The following PNPLA7 variants were observed in gnomAD, a reference collection of about 807,000 sequenced individuals.
PNPLA7 encodes the protein patatin-like phospholipase domain-containing protein 7.
In PNPLA7, 153 loss-of-function variants were observed where a neutral mutation model predicts 161.7. The observed-to-expected ratio is 0.95, with a 90% confidence interval of 0.83 to 1.08. PNPLA7 has a LOEUF of 1.08. Among genes scored for constraint, PNPLA7 ranks in the 50% least tolerant of loss-of-function variants. The pLI is 0.00. For synonymous variants in PNPLA7, 809 were observed against 782.1 expected, an observed-to-expected ratio of 1.03 and a Z score of -0.57; for missense variants, 1,739 against 1,856.6, an observed-to-expected ratio of 0.94 and a Z score of 1.16.
intron 11 of PNPLA7, among the ~76,000 whole-genome samples, chr9:137,519,218 C>T (rs1288643153): frequency 2.0e-5 from 3 of 152,254 alleles, no homozygotes; most frequent in East Asian, 1.9e-4. Flanking sequence ...AATAACCAAG[C>T]GCGCACCTCA....
At chr9:137,544,129 G>T (rs1008773257) in intron 4 of PNPLA7, among the ~76,000 whole-genome samples, 1 of 152,096 alleles carries the variant, frequency 6.6e-6, no homozygotes, top group East Asian at 1.9e-4. Context: ...CTCTCATACT[G>T]GTCAACACAA....
At chr9:137,478,939 G>T (rs1832070588) in intron 24 of PNPLA7, 117 bp downstream of exon 24, 3 of 1,307,416 alleles carry the variant, frequency 2.3e-6, no homozygotes, top group Non-Finnish European at 3.1e-6. Context: ...ACAAGCACAG[G>T]AAGGGCCCAG....
intron 24 of PNPLA7, 107 bp from the exon 25 acceptor site, chr9:137,478,259 G>T: frequency 2.4e-6 from 2 of 834,782 alleles, no homozygotes; most frequent in Non-Finnish European, 3.2e-6. Flanking sequence ...GACCCAAACT[G>T]ACCCCAAATC....
chr9:137,460,251 G>A lies in PNPLA7; in HGVS notation c.*142C>T, dbSNP rs1831108667. On this transcript the variant is annotated 3_prime_UTR_variant, in exon 35 of 35. Coordinates refer to ENST00000406427, the MANE Select transcript of PNPLA7 (RefSeq NM_001098537.3). ...TGCTGGTACAAAGAAGAGGCCCAGA[G>A]AACCCTAACACAGCCTGGGGCCCCG... The A allele has an allele frequency of 1.4e-6, 1 of 719,162 alleles. No individual in the cohort carries two copies. The highest frequency in any genetic ancestry group is 1.9e-5 in the South Asian group (1 of 53,090). 44.5% of individuals were successfully genotyped at this position (719,162 alleles called of 1,614,324 possible).
chr9:137,521,584 G>A lies in PNPLA7; in HGVS notation c.957+52C>T. 6 of 1,574,252 alleles carry A rather than the reference G, an allele frequency of 3.8e-6. No individual in the cohort carries two copies. In the East Asian group the frequency reaches 9.1e-5, roughly 24 times the overall value. On this transcript the variant is annotated intron_variant, in intron 10 of 34. Coordinates refer to ENST00000406427, the MANE Select transcript of PNPLA7 (RefSeq NM_001098537.3). Reference sequence around the variant, plus strand: ...TGCCGTGCCAACCAATAGCTGTCCCGATGCCAGCTGCATGGAGCAGCATGG... The same window carrying A: ...TGCCGTGCCAACCAATAGCTGTCCCAATGCCAGCTGCATGGAGCAGCATGG...
At chr9:137,494,709 TTCACCTGCTCTGCGCCC>T (rs1564309123) in intron 19 of PNPLA7, among the ~76,000 whole-genome samples, 2 of 68,836 alleles carry the variant, frequency 2.9e-5, no homozygotes, top group African/African-American at 1.2e-4. Context: ...ACTCTGTGCC[TTCACCTGCTCTGCGCCC>T]TCACCAGCTC....
At position 137,461,991 on chromosome 9, in the gene PNPLA7, G is replaced by T. The variant is rs760675381; in HGVS notation, c.3696C>A (p.Ser1232Arg). The T allele has an allele frequency of 1.2e-6, 2 of 1,602,470 alleles. No homozygotes were observed. Among genetic ancestry groups the T allele is most frequent in the Non-Finnish European group, 8.5e-7 (1 of 1,177,000 alleles). Residue 1232 changes from serine (S) to arginine (R), a missense_variant, in exon 32 of 35, where the codon AGC becomes AGA. Ser to Arg is a moderately radical substitution (Grantham distance 110). Transcript: ENST00000406427. ...CGCGGAGCATCTTCTCCAGCACGCCGCTGCGGCCCCAGATGTCAAACACCG... is the reference window on the plus strand; with the variant it reads ...CGCGGAGCATCTTCTCCAGCACGCCTCTGCGGCCCCAGATGTCAAACACCG... ...GRTVFDIWGR[S>R]GVLEKMLRDQ...
chr9:137,462,231 G>C lies in PNPLA7; in HGVS notation c.3593C>G (p.Pro1198Arg), dbSNP rs760791000. 2 of 1,607,344 alleles carry C rather than the reference G, an allele frequency of 1.2e-6. No individual in the cohort carries two copies. The highest frequency in any genetic ancestry group is 1.7e-6 in the Non-Finnish European group (2 of 1,176,442). The change falls in exon 31 of 35, where the codon CCC becomes CGC. Residue 1198 changes from proline (P) to arginine (R), a missense_variant. This residue lies in a region of PNPLA7 where 703 missense variants were observed against 694.6 expected (regional missense o/e 1.01). Coordinates refer to ENST00000406427, the MANE Select transcript of PNPLA7 (RefSeq NM_001098537.3). Reference protein sequence around the residue: ...KSSDYCEYLRPPIDSYSTLDF... With the variant: ...KSSDYCEYLRRPIDSYSTLDF... Reference sequence around the variant, plus strand: ...CAGGGTGCTGTAGCTGTCGATGGGGGGGCGCAGGTACTCGCAGTAGTCACT... The same window carrying C: ...CAGGGTGCTGTAGCTGTCGATGGGGCGGCGCAGGTACTCGCAGTAGTCACT...
chr9:137,504,109 GA>G (rs1470977419), intron 14 of PNPLA7, among the ~76,000 whole-genome samples: 2 of 139,068 alleles, frequency 1.4e-5, no homozygotes, highest in South Asian at 2.2e-4. Flanking sequence ...GAAGAAGAAA[GA>G]AAGAAGAAGA....
At chr9:137,501,227 C>T (rs754555745) in intron 15 of PNPLA7, among the ~76,000 whole-genome samples, 50 of 152,158 alleles carry the variant, frequency 3.3e-4, no homozygotes, top group Non-Finnish European at 5.9e-4. Flanking sequence ...GGTCCCATGC[C>T]GCCTCGCCTG....
In PNPLA7 at chr9:137,486,369, AC is replaced by A. The variant is rs1301288213; in HGVS notation, c.2198-1634del. On this transcript the variant is annotated intron_variant, in intron 20 of 34. Transcript: ENST00000406427. This position sits in a 1 kb window ranked among gnomAD's most constrained non-coding sequence, Gnocchi z 6.0. Reference sequence around the variant, plus strand: ...GTGAACGGGGAACATGGCTCGGAGAACCAGCGCACAGCCGGCAATCATGTGC... The same window carrying A: ...GTGAACGGGGAACATGGCTCGGAGAACAGCGCACAGCCGGCAATCATGTGC... 2.0e-5 allele frequency among the ~76,000 whole-genome samples: 3 copies of A among 152,156 alleles called. No homozygotes were observed. Among genetic ancestry groups the A allele is most frequent in the Non-Finnish European group, 4.4e-5 (3 of 68,024 alleles).
chr9:137,535,991 A>C (rs1219109549), intron 8 of PNPLA7, among the ~76,000 whole-genome samples: 1 of 151,670 alleles, frequency 6.6e-6, no homozygotes, highest in Non-Finnish European at 1.5e-5. Flanking sequence ...TCTCTACTAA[A>C]AAATACAAAA....
At chr9:137,484,187 G>C (rs528172942) in intron 21 of PNPLA7, among the ~76,000 whole-genome samples, 1 of 152,032 alleles carries the variant, frequency 6.6e-6, no homozygotes, top group Non-Finnish European at 1.5e-5. Flanking sequence ...CAAAGTGCTG[G>C]GATTACAAGC....
chr9:137,547,114 G>C lies in PNPLA7; in HGVS notation c.193+195C>G, dbSNP rs145685240. Among the ~76,000 whole-genome samples, 32 of 151,722 alleles carry C rather than the reference G, an allele frequency of 2.1e-4. 1 individual carries two copies. The highest frequency in any genetic ancestry group is 7.7e-4 in the African/African-American group (32 of 41,498). ...CTTCCCACTGAAGCCTTGCTCAGGA[G>C]AGGAGAACAGAAAGGGCTCTGAACA... On this transcript the variant is annotated intron_variant, in intron 3 of 34. Coordinates refer to ENST00000406427, the MANE Select transcript of PNPLA7 (RefSeq NM_001098537.3). This position sits in a 1 kb window ranked among gnomAD's most constrained non-coding sequence, Gnocchi z 4.6.
At position 137,501,731 on chromosome 9, in the gene PNPLA7, A is replaced by G; in HGVS notation, c.1474-4T>C. On this transcript the variant is annotated splice_region_variant and splice_polypyrimidine_tract_variant and intron_variant, in intron 14 of 34. Transcript: ENST00000406427. ...GGCCATCCAACAGAGATGAGTCCTAAAAACAGAGCAGACTTCAGGGAACAC... is the reference window on the plus strand; with the variant it reads ...GGCCATCCAACAGAGATGAGTCCTAGAAACAGAGCAGACTTCAGGGAACAC... 1.2e-6 allele frequency: 2 copies of G among 1,612,384 alleles called. No individual in the cohort carries two copies. The highest frequency in any genetic ancestry group is 4.5e-5 in the East Asian group (2 of 44,872).
chr9:137,468,005 G>A lies in PNPLA7; in HGVS notation c.2883-532C>T, dbSNP rs981970754. Among the ~76,000 whole-genome samples, 2 of 152,078 alleles carry A rather than the reference G, an allele frequency of 1.3e-5. No individual in the cohort carries two copies. The highest frequency in any genetic ancestry group is 2.9e-5 in the Non-Finnish European group (2 of 68,004). On this transcript the variant is annotated intron_variant, in intron 25 of 34. Transcript: ENST00000406427. This position sits in a 1 kb window ranked among gnomAD's most constrained non-coding sequence, Gnocchi z 4.0. Reference sequence around the variant, plus strand: ...GAGGAAGGTGTCCTGAGAGTTGACCGGCATTGGCCTCTTCTACCCGGAAAC... The same window carrying A: ...GAGGAAGGTGTCCTGAGAGTTGACCAGCATTGGCCTCTTCTACCCGGAAAC...
intron 32 of PNPLA7, 91 bp from the exon 33 acceptor site, chr9:137,461,711 C>T: frequency 1.5e-6 from 2 of 1,368,442 alleles, no homozygotes; most frequent in Non-Finnish European, 2.0e-6. Flanking sequence ...ACCCACCCTG[C>T]GCCCTCTCTG....
Position 137,500,974 on chromosome 9 carries a change from G to T in PNPLA7, c.1552-78C>A. On this transcript the variant is annotated intron_variant, in intron 15 of 34. Transcript: ENST00000406427. This position sits in a 1 kb window ranked among gnomAD's most constrained non-coding sequence, Gnocchi z 5.5. ...GGGCAGCTCTGGGCCCAGAGCGGAC[G>T]ATGCCACCAGGCTCAGCCGGGAGAC... 3 of 1,333,236 alleles carry T rather than the reference G, an allele frequency of 2.3e-6. No individual in the cohort carries two copies. The highest frequency in any genetic ancestry group is 1.3e-5 in the South Asian group (1 of 74,074). The allele number at this position is 1,333,236 out of a possible 1,614,324, so 82.6% of individuals were successfully genotyped here.
chr9:137,462,534 C>T (rs960184083), intron 30 of PNPLA7, 151 bp downstream of exon 30: 13 of 1,395,764 alleles, frequency 9.3e-6, no homozygotes, highest in Non-Finnish European at 1.0e-5. Context: ...TTCCTTCGCC[C>T]GAGTTGGGCT....
Sources: gnomAD v4.1 joint callset for allele counts (sites outside exome capture counted in the v4.1 genomes callset) on GRCh38, gnomAD v4.1.1 for gene constraint, gnomAD v4.1.1 regional missense constraint, Gnocchi (gnomAD v3.1) non-coding constraint, MANE v1.5 for transcripts, NCBI Gene and HGNC (gene_info 2026-07-23, HGNC 2026-07-21) for gene names.